AGTPBP1: variants seen among roughly 807,000 people sequenced by gnomAD.
AGTPBP1 encodes cytosolic carboxypeptidase 1.
Under a neutral mutation model 143.9 loss-of-function variants are expected in AGTPBP1, and 70 were observed. The observed-to-expected ratio is 0.49, with a 90% confidence interval of 0.40 to 0.59. AGTPBP1 has a LOEUF of 0.59. Ranked by LOEUF, AGTPBP1 falls within the 20% of genes least tolerant of loss-of-function variation. The probability of loss-of-function intolerance (pLI) is 0.00; values close to 1 mark genes in which losing one functional copy is unlikely to be tolerated. For synonymous variants in AGTPBP1, 463 were observed against 500.2 expected (o/e 0.93, Z 0.99); for missense variants, 1,229 against 1,464.5 (o/e 0.84, Z 2.62).
At chr9:85,795,955 C>T in the AGTPBP1 span, among the ~76,000 whole-genome samples, 1 of 134,524 alleles carries the variant, frequency 7.4e-6, no homozygotes, top group East Asian at 2.4e-4. Context: ...GACCTTGGAA[C>T]GATAAGAGAT....
chr9:85,584,856 C>T (rs116116235), intron 23 of AGTPBP1, among the ~76,000 whole-genome samples: 3 of 152,108 alleles, frequency 2.0e-5, no homozygotes, highest in Non-Finnish European at 4.4e-5. Context: ...AAAGACTTGA[C>T]TAAATAGACA....
chr9:85,579,607 A>AG (rs772460932), intron 23 of AGTPBP1, among the ~76,000 whole-genome samples: 270 of 141,682 alleles, frequency 1.9e-3, no homozygotes, highest in South Asian at 0.017. Context: ...GTGTGGGGCG[A>AG]GGGGGGGGGT....
the AGTPBP1 span, chr9:85,764,731 A>G: frequency 1.6e-6 from 2 of 1,248,926 alleles, no homozygotes; most frequent in Admixed American, 3.4e-5. Flanking sequence ...ATAGTTTGAA[A>G]GTATCAACTC....
At chr9:85,745,297 A>G (rs1824567753), upstream of AGTPBP1, among the ~76,000 whole-genome samples, 1 of 152,232 alleles carries the variant, frequency 6.6e-6, no homozygotes, top group African/African-American at 2.4e-5. Context: ...TCTAGAACAT[A>G]AATGTTAGGA....
chr9:85,675,289 G>C (rs994196099), intron 6 of AGTPBP1, among the ~76,000 whole-genome samples: 3 of 152,136 alleles, frequency 2.0e-5, no homozygotes, highest in Non-Finnish European at 4.4e-5. Flanking sequence ...TTGAGTTCTA[G>C]TCAAAGGGTG....
At chr9:85,755,556 T>C in the AGTPBP1 span, among the ~76,000 whole-genome samples, 3 of 152,172 alleles carry the variant, frequency 2.0e-5, no homozygotes, top group South Asian at 2.1e-4. Flanking sequence ...ATTCACTTCA[T>C]TGACTGACTG....
intron 2 of AGTPBP1, among the ~76,000 whole-genome samples, chr9:85,706,071 A>T (rs1255577208): frequency 6.6e-6 from 1 of 152,100 alleles, no homozygotes; most frequent in African/African-American, 2.4e-5. Flanking sequence ...GTATAGTATA[A>T]ACCCTATAAA....
chr9:85,799,263 C>T, the AGTPBP1 span, among the ~76,000 whole-genome samples: 6 of 152,128 alleles, frequency 3.9e-5, no homozygotes, highest in Non-Finnish European at 7.4e-5. Flanking sequence ...TAAGTCTTTG[C>T]TATTGTGAAT....
At chr9:85,577,901 A>AT (rs1385667198) in intron 24 of AGTPBP1, among the ~76,000 whole-genome samples, 8 of 152,224 alleles carry the variant, frequency 5.3e-5, no homozygotes, top group Non-Finnish European at 1.5e-5. Context: ...ATATGTTTAC[A>AT]TTTTAAATGC....
At chr9:85,716,933 C>T (rs1183109246) in intron 1 of AGTPBP1, among the ~76,000 whole-genome samples, 1 of 152,178 alleles carries the variant, frequency 6.6e-6, no homozygotes, top group Admixed American at 6.5e-5. Context: ...GATGCACTGG[C>T]TGGGCCTCCA....
At chr9:85,631,189 T>C (rs74476164) in intron 14 of AGTPBP1, among the ~76,000 whole-genome samples, 1 of 152,186 alleles carries the variant, frequency 6.6e-6, no homozygotes, top group African/African-American at 2.4e-5. Flanking sequence ...ACTTTGGGAA[T>C]GAGGACTTCT....
the AGTPBP1 span, chr9:85,774,089 G>A: frequency 8.4e-7 from 1 of 1,186,184 alleles, no homozygotes; most frequent in Non-Finnish European, 1.3e-6. Flanking sequence ...TGTGGGTACT[G>A]AAGGAAGATA....
At chr9:85,632,373 T>C (rs974797118) in intron 14 of AGTPBP1, among the ~76,000 whole-genome samples, 1 of 152,220 alleles carries the variant, frequency 6.6e-6, no homozygotes, top group Non-Finnish European at 1.5e-5. Flanking sequence ...GATTATTAAA[T>C]AATCTGTTTT....
At chr9:85,804,232 T>C in the AGTPBP1 span, among the ~76,000 whole-genome samples, 1 of 152,148 alleles carries the variant, frequency 6.6e-6, no homozygotes, top group Non-Finnish European at 1.5e-5. Flanking sequence ...CCATACTCCT[T>C]TGTCTTTTCT....
chr9:85,663,045 AG>A lies in AGTPBP1; in HGVS notation c.663-2073del, dbSNP rs1833934783. ...GCCACAGCACAGGGAGACAGAACCT[AG>A]GTGGAGTCTGGCAGATCCCAAAAGT... On this transcript the variant is annotated intron_variant, in intron 8 of 25. Coordinates refer to ENST00000357081, the MANE Select transcript of AGTPBP1 (RefSeq NM_001330701.2). Among the ~76,000 whole-genome samples, 3 of 152,300 alleles carry A rather than the reference AG, an allele frequency of 2.0e-5. No homozygotes were observed. The South Asian group carries it at 6.2e-4, about 32-fold the overall frequency.
intron 17 of AGTPBP1, among the ~76,000 whole-genome samples, chr9:85,600,648 G>A (rs1829605684): frequency 6.6e-6 from 1 of 152,068 alleles, no homozygotes; most frequent in Non-Finnish European, 1.5e-5. Context: ...ATCCTAGCCA[G>A]GGGGGAGCCC....
intron 25 of AGTPBP1, among the ~76,000 whole-genome samples, chr9:85,551,950 C>T (rs1826062356): frequency 6.6e-6 from 1 of 152,150 alleles, no homozygotes; most frequent in African/African-American, 2.4e-5. Context: ...GTTTTAACGC[C>T]ACTGTTTCCT....
chr9:85,589,409 G>A (rs1048355380), intron 20 of AGTPBP1, 119 bp downstream of exon 20: 19 of 1,329,314 alleles, frequency 1.4e-5, no homozygotes, highest in Non-Finnish European at 1.6e-5. Flanking sequence ...GCAGGGCCAA[G>A]ACTAGAGCCC....
At chr9:85,756,629 T>C in the AGTPBP1 span, among the ~76,000 whole-genome samples, 1 of 152,072 alleles carries the variant, frequency 6.6e-6, no homozygotes, top group Admixed American at 6.6e-5. Flanking sequence ...AAAGCATGTA[T>C]CCACACAAAA....
Sources: allele counts gnomAD v4.1 joint callset (sites outside exome capture counted in the v4.1 genomes callset), GRCh38; gene constraint gnomAD v4.1.1; transcripts MANE v1.5; gene names NCBI Gene and HGNC (gene_info 2026-07-23, HGNC 2026-07-21).